Variants in ASCC3 observed in about 807,000 individuals in gnomAD.
ASCC3 encodes the protein ASC-1 complex subunit P200.
Under a neutral mutation model 256.3 loss-of-function variants are expected in ASCC3, and 158 were observed. That is an observed-to-expected ratio of 0.62 (90% CI 0.54 to 0.70). The LOEUF (loss-of-function observed/expected upper bound fraction) is 0.70, where lower values mean the gene tolerates loss of function less well. ASCC3 is among the 30% of genes least tolerant of loss of function. The pLI, the probability that ASCC3 is intolerant of heterozygous loss-of-function variation, is 0.00. For missense variants in ASCC3, 2,259 were observed against 2,626.0 expected (o/e 0.86, Z 3.05); for synonymous variants, 948 against 883.4 (o/e 1.07, Z -1.30).
chr6:100,647,460 T>TTA lies in ASCC3; in HGVS notation c.3253-11_3253-10dup, dbSNP rs1348113171. The TTA allele has an allele frequency of 6.2e-7, 1 of 1,608,104 alleles. No homozygotes were observed. On this transcript the variant is annotated splice_polypyrimidine_tract_variant and intron_variant, in intron 20 of 41. Transcript: ENST00000369162. ...ACAATTCTAGCTGCATTCTAAAAAA[T>TTA]TATAGGAGGAGATTGGTGGTTATAC...
intron 10 of ASCC3, among the ~76,000 whole-genome samples, chr6:100,751,953 G>T (rs1196771625): frequency 6.6e-6 from 1 of 152,020 alleles, no homozygotes; most frequent in Non-Finnish European, 1.5e-5. Context: ...TTTAAAAAAG[G>T]TCCATAAAAT....
intron 13 of ASCC3, among the ~76,000 whole-genome samples, chr6:100,705,133 G>C (rs1246034944): frequency 6.6e-6 from 1 of 151,984 alleles, no homozygotes; most frequent in East Asian, 1.9e-4. Flanking sequence ...TTTCCCAATA[G>C]CCAAGAAGAG....
chr6:100,801,299 C>A (rs1228954719), intron 5 of ASCC3, among the ~76,000 whole-genome samples: 3 of 152,092 alleles, frequency 2.0e-5, no homozygotes, highest in Non-Finnish European at 4.4e-5. Context: ...AGTCAATAAA[C>A]ATTTACTGTA....
At chr6:100,852,528 C>G (rs1263052984) in intron 3 of ASCC3, among the ~76,000 whole-genome samples, 3 of 152,162 alleles carry the variant, frequency 2.0e-5, no homozygotes, top group Middle Eastern at 3.4e-3. Flanking sequence ...ATAATAAAAA[C>G]GATTAGGTTT....
intron 29 of ASCC3, among the ~76,000 whole-genome samples, chr6:100,625,737 T>C (rs1023124688): frequency 6.6e-6 from 1 of 152,110 alleles, no homozygotes; most frequent in African/African-American, 2.4e-5. Context: ...CAGAGTTAAC[T>C]GGTCCTGGGG....
chr6:100,790,487 A>T (rs1769300479), intron 8 of ASCC3, among the ~76,000 whole-genome samples: 1 of 152,004 alleles, frequency 6.6e-6, no homozygotes, highest in Admixed American at 6.6e-5. Flanking sequence ...AATAACAAGA[A>T]GAAAATCTAT....
intron 1 of ASCC3, among the ~76,000 whole-genome samples, chr6:100,875,576 T>A (rs1773960183): frequency 6.6e-6 from 1 of 152,136 alleles, no homozygotes; most frequent in African/African-American, 2.4e-5. Flanking sequence ...TGTACTCCAT[T>A]TCAAAAGCTG....
intron 4 of ASCC3, among the ~76,000 whole-genome samples, chr6:100,821,950 T>C (rs1024500884): frequency 1.3e-5 from 2 of 152,038 alleles, no homozygotes. Flanking sequence ...GTACAAAGTG[T>C]CCAAAATGGA....
In ASCC3 at chr6:100,725,662, T is replaced by C; in HGVS notation, c.1779A>G (p.Arg593=). Residue 593 remains arginine, a synonymous_variant, in exon 11 of 42, where the codon AGA becomes AGG. Transcript: ENST00000369162. The part of the protein sequence containing the change: ...TTPEKWDVVT[R]KSVGDVALSQ... ...AAAGAGCTACATCCCCAACACTCTT[T>C]CTTGTCACTACATCCCATTTTTCTG... is the stretch of plus-strand genomic sequence containing the variant. The C allele has an allele frequency of 6.2e-7, 1 of 1,612,726 alleles. No individual in the cohort carries two copies. Among genetic ancestry groups the C allele is most frequent in the Non-Finnish European group, 8.5e-7 (1 of 1,179,118 alleles).
At chr6:100,709,746 ATAAT>A (rs1011623208) in intron 13 of ASCC3, among the ~76,000 whole-genome samples, 1 of 152,194 alleles carries the variant, frequency 6.6e-6, no homozygotes, top group African/African-American at 2.4e-5. Context: ...AGTATAACTA[ATAAT>A]TAATATTAAG....
At position 100,761,479 on chromosome 6, in the gene ASCC3, C is replaced by T. The variant is rs563938992; in HGVS notation, c.1737+5086G>A. 9.9e-5 allele frequency among the ~76,000 whole-genome samples: 15 copies of T among 152,202 alleles called. No homozygotes were observed. The South Asian group carries it at 3.1e-3, about 32-fold the overall frequency. ...GTCCAGCCTTGGTGACAGAGTGAGA[C>T]CTTTTCTCTAAAAAATAAAAATATA... On this transcript the variant is annotated intron_variant, in intron 10 of 41. Transcript: ENST00000369162.
intron 13 of ASCC3, among the ~76,000 whole-genome samples, chr6:100,702,021 C>T (rs1778380804): frequency 6.6e-6 from 1 of 152,056 alleles, no homozygotes. Flanking sequence ...TAACTGGGCC[C>T]TTATACAGGA....
chr6:100,862,866 G>C (rs1773291452), intron 3 of ASCC3, among the ~76,000 whole-genome samples: 1 of 152,182 alleles, frequency 6.6e-6, no homozygotes, highest in African/African-American at 2.4e-5. Context: ...TAATTTTTTA[G>C]CTGAGTTTAA....
intron 10 of ASCC3, among the ~76,000 whole-genome samples, chr6:100,739,271 T>A (rs1300587085): frequency 1.3e-5 from 2 of 152,242 alleles, no homozygotes. Context: ...TGAACCAGCC[T>A]TGCATCCTGA....
chr6:100,634,864 CAAAA>C (rs199632200), intron 25 of ASCC3, among the ~76,000 whole-genome samples: 1 of 119,288 alleles, frequency 8.4e-6, no homozygotes, highest in Non-Finnish European at 1.7e-5. Context: ...CCTCAAAAAA[CAAAA>C]AAAAAAAAAA....
rs754609274 is a variant in ASCC3, at chr6:100,642,767, C to A, written c.3733-18G>T. On this transcript the variant is annotated intron_variant, in intron 23 of 41. Coordinates refer to ENST00000369162, the MANE Select transcript of ASCC3 (RefSeq NM_006828.4). The stretch of plus-strand genomic sequence containing the variant: ...CTAATGACCTAATATGAAATACAGT[C>A]AAAAATAAATATGGATATTCTAATA... The A allele has an allele frequency of 1.9e-6, 3 of 1,595,164 alleles. No homozygotes were observed. Among genetic ancestry groups the A allele is most frequent in the Non-Finnish European group, 2.6e-6 (3 of 1,163,456 alleles).
rs751358956 is a variant in ASCC3, at chr6:100,737,536, A to G, written c.1738-11833T>C. On this transcript the variant is annotated intron_variant, in intron 10 of 41. Coordinates refer to ENST00000369162, the MANE Select transcript of ASCC3 (RefSeq NM_006828.4). ...AGGATAGTGGCTTCCAACTCCATCC[A>G]TGTCCCTGCAAAGGGTATGATCTCA... 2.6e-5 allele frequency among the ~76,000 whole-genome samples: 4 copies of G among 152,290 alleles called. No homozygotes were observed. The South Asian group carries it at 6.2e-4, about 24-fold the overall frequency.
intron 4 of ASCC3, among the ~76,000 whole-genome samples, chr6:100,818,321 C>T (rs567860602): frequency 6.6e-6 from 1 of 152,164 alleles, no homozygotes; most frequent in Admixed American, 6.5e-5. Context: ...GTAATCCCAG[C>T]ACTTTGGGAG....
chr6:100,719,355 C>G (rs1032100293), intron 11 of ASCC3, among the ~76,000 whole-genome samples: 3 of 151,976 alleles, frequency 2.0e-5, no homozygotes, highest in Non-Finnish European at 4.4e-5. Flanking sequence ...ATCTCTTTCA[C>G]AACATACAGT....
Sources: allele counts gnomAD v4.1 joint callset (sites outside exome capture counted in the v4.1 genomes callset), GRCh38; gene constraint gnomAD v4.1.1; transcripts MANE v1.5; gene names NCBI Gene and HGNC (gene_info 2026-07-23, HGNC 2026-07-21).